BPNT2: variants seen among roughly 807,000 people sequenced by gnomAD.
BPNT2 encodes Golgi-resident adenosine 3',5'-bisphosphate 3'-phosphatase.
Under a neutral mutation model 29.3 loss-of-function variants are expected in BPNT2, and 11 were observed. That is an observed-to-expected ratio of 0.38 (90% CI 0.24 to 0.62). The LOEUF (loss-of-function observed/expected upper bound fraction) is 0.62, where lower values mean the gene tolerates loss of function less well. Among genes scored for constraint, BPNT2 ranks in the 20% least tolerant of loss-of-function variants. BPNT2 has a pLI of 0.62. For synonymous variants in BPNT2, 195 were observed against 187.7 expected, an observed-to-expected ratio of 1.04 and a Z score of -0.32; for missense variants, 459 against 473.4, an observed-to-expected ratio of 0.97 and a Z score of 0.28.
intron 3 of BPNT2, among the ~76,000 whole-genome samples, chr8:56,967,622 T>C (rs758392706): frequency 3.3e-5 from 5 of 152,012 alleles, no homozygotes; most frequent in Non-Finnish European, 7.4e-5. Context: ...GGCTTGAAAC[T>C]TGGCAACAAA....
intron 1 of BPNT2, among the ~76,000 whole-genome samples, chr8:56,987,229 G>A (rs760418578): frequency 6.6e-6 from 1 of 152,152 alleles, no homozygotes; most frequent in Non-Finnish European, 1.5e-5. Context: ...ACCTCACACA[G>A]TGCCTATCAT....
At chr8:56,977,385 A>G (rs975612220) in intron 3 of BPNT2, among the ~76,000 whole-genome samples, 1 of 152,194 alleles carries the variant, frequency 6.6e-6, no homozygotes, top group East Asian at 1.9e-4. Flanking sequence ...ACATCACTCC[A>G]ATCTCTGCCT....
rs1433321609 is a variant in BPNT2 at position 56,962,098 on chromosome 8, ATTTTCAAGTCC to A, written c.*1684_*1694del. ...TGAGGTCTCTGATACTCTTTTCAAAATTTTCAAGTCCTATTTAAATATCAAGTGTTCCACCT... is the reference window on the plus strand; with the variant it reads ...TGAGGTCTCTGATACTCTTTTCAAAATATTTAAATATCAAGTGTTCCACCT... On this transcript the variant is annotated 3_prime_UTR_variant, in exon 5 of 5. Coordinates refer to ENST00000262644, the MANE Select transcript of BPNT2 (RefSeq NM_017813.5). 1 of 152,146 alleles carries A rather than the reference ATTTTCAAGTCC, an allele frequency of 6.6e-6. No individual in the cohort carries two copies. The highest frequency in any genetic ancestry group is 1.5e-5 in the Non-Finnish European group (1 of 68,018). The allele number at this position is 152,146 out of a possible 1,614,324, so 9.4% of individuals were successfully genotyped here. A position where few individuals can be genotyped will look rare whatever the true frequency, so the allele number is the denominator to read the frequency against.
In BPNT2 at chr8:56,963,838, G is replaced by A; in HGVS notation, c.1035C>T (p.Ala345=). The A allele has an allele frequency of 6.2e-7, 1 of 1,614,042 alleles. No homozygotes were observed. Among genetic ancestry groups the A allele is most frequent in the Non-Finnish European group, 8.5e-7 (1 of 1,180,020 alleles). ...LLASIRMNHQ[A]LVRKLPDLEK... is the part of the protein sequence containing the mutation. ...CTAGATCTGGGAGTTTTCTGACCAG[G>A]GCCTGGTGGTTCATTCTGATGCTAG... The change falls in exon 5 of 5, where the codon GCC becomes GCT. Residue 345 remains alanine (A), a synonymous_variant. Coordinates refer to ENST00000262644, the MANE Select transcript of BPNT2 (RefSeq NM_017813.5).
In BPNT2 at chr8:56,966,271, C is replaced by T. The variant is rs148507660; in HGVS notation, c.728G>A (p.Arg243His). Residue 243 changes from arginine to histidine, a missense_variant, in exon 4 of 5, where the codon CGT (arginine) becomes CAT (histidine). By Grantham distance (29) the Arg-to-His change is conservative. Coordinates refer to ENST00000262644, the MANE Select transcript of BPNT2 (RefSeq NM_017813.5). The part of the protein sequence containing the change: ...NEKTPRIVVS[R>H]SHSGMVKQVA... ...CTGTTTGACCATCCCTGAATGGGAA[C>T]GAGACACAACGATCCTTGGGGTCTT... The T allele has an allele frequency of 1.1e-5, 17 of 1,613,930 alleles. No homozygotes were observed. In the East Asian group the frequency reaches 1.6e-4, roughly 15 times the overall value.
At chr8:56,992,930 C>G (rs1165566360) in intron 1 of BPNT2, among the ~76,000 whole-genome samples, 3 of 152,122 alleles carry the variant, frequency 2.0e-5, no homozygotes, top group Non-Finnish European at 4.4e-5. Flanking sequence ...ACTTTGTCAG[C>G]CTTTTCGTTT....
At chr8:56,991,510 T>C (rs1806415348) in intron 1 of BPNT2, among the ~76,000 whole-genome samples, 1 of 152,250 alleles carries the variant, frequency 6.6e-6, no homozygotes, top group African/African-American at 2.4e-5. Context: ...CTGCTTGCTG[T>C]ATTTCACTAT....
At chr8:56,984,098 C>T (rs1806289353) in intron 1 of BPNT2, among the ~76,000 whole-genome samples, 1 of 152,138 alleles carries the variant, frequency 6.6e-6, no homozygotes, top group Non-Finnish European at 1.5e-5. Flanking sequence ...ACCACTGTAG[C>T]TTACAAAACG....
chr8:56,979,833 C>T (rs923483629), intron 2 of BPNT2, among the ~76,000 whole-genome samples: 2 of 152,266 alleles, frequency 1.3e-5, no homozygotes, highest in South Asian at 2.1e-4. Context: ...AAATTCCTAA[C>T]ATCCCGAGTA....
chr8:56,986,133 T>C, intron 1 of BPNT2, among the ~76,000 whole-genome samples: 1 of 152,310 alleles, frequency 6.6e-6, no homozygotes, highest in East Asian at 1.9e-4. Context: ...TTTTCCCTTT[T>C]ATAAAAGTAA....
rs1805766938 is a variant in BPNT2 at position 56,958,072 on chromosome 8, A to G, written c.*5721T>C. The G allele has an allele frequency of 6.6e-6, 1 of 152,136 alleles. No homozygotes were observed. Among genetic ancestry groups the G allele is most frequent in the African/African-American group, 2.4e-5 (1 of 41,432 alleles). The allele number at this position is 152,136 out of a possible 1,614,324, so 9.4% of individuals were successfully genotyped here. ...ATTGCCTGGGGTAGTATCTGAAGGA[A>G]AGGCAAAACTTTTAAAAACAATTTA... is the stretch of plus-strand genomic sequence containing the variant. On this transcript the variant is annotated 3_prime_UTR_variant, in exon 5 of 5. Transcript: ENST00000262644.
chr8:56,992,629 AACT>A (rs1162382014), intron 1 of BPNT2, among the ~76,000 whole-genome samples: 1 of 152,052 alleles, frequency 6.6e-6, no homozygotes, highest in African/African-American at 2.4e-5. Context: ...AGGGCCCGCA[AACT>A]ATAAACTTTA....
chr8:56,976,882 T>C (rs1341932599), intron 3 of BPNT2, among the ~76,000 whole-genome samples: 1 of 152,046 alleles, frequency 6.6e-6, no homozygotes, highest in East Asian at 1.9e-4. Flanking sequence ...AGGTTGAGAA[T>C]CCCTAATCCA....
intron 1 of BPNT2, among the ~76,000 whole-genome samples, chr8:56,984,838 C>G (rs1187145656): frequency 1.3e-5 from 2 of 152,126 alleles, no homozygotes; most frequent in Non-Finnish European, 1.5e-5. Flanking sequence ...TCCAGATGAT[C>G]TGGGTAATGA....
intron 3 of BPNT2, chr8:56,967,073 T>A: frequency 2.3e-6 from 1 of 431,686 alleles, no homozygotes; most frequent in Non-Finnish European, 4.7e-6. Flanking sequence ...GAAGTTTTCT[T>A]CACTGACTAT....
At position 56,978,060 on chromosome 8, in the gene BPNT2, G is replaced by A. The variant is rs778717032; in HGVS notation, c.636C>T (p.Ser212=). ...PMLGVIHKPF[S]EYTAWAMVDG... ...TAGCAAATTTCATACCTGTATATTCGGAAAATGGCTTATGTATAACTCCTA... is the reference window on the plus strand; with the variant it reads ...TAGCAAATTTCATACCTGTATATTCAGAAAATGGCTTATGTATAACTCCTA... Residue 212 remains serine (S), a synonymous_variant, in exon 3 of 5, where the codon TCC becomes TCT. Coordinates refer to ENST00000262644, the MANE Select transcript of BPNT2 (RefSeq NM_017813.5). 1.8e-5 allele frequency: 29 copies of A among 1,590,242 alleles called. No homozygotes were observed. Among genetic ancestry groups the A allele is most frequent in the Non-Finnish European group, 2.2e-5 (25 of 1,158,968 alleles).
intron 4 of BPNT2, 23 bp downstream of exon 4, chr8:56,966,168 A>C (rs1805945483): frequency 6.2e-7 from 1 of 1,613,358 alleles, no homozygotes; most frequent in Non-Finnish European, 8.5e-7. Context: ...TTCTCCAGGG[A>C]CCACACAGGA....
In BPNT2 at chr8:56,960,402, A is replaced by C. The variant is rs1805812682; in HGVS notation, c.*3391T>G. 1 of 152,202 alleles carries C rather than the reference A, an allele frequency of 6.6e-6. No individual in the cohort carries two copies. Among genetic ancestry groups the C allele is most frequent in the Non-Finnish European group, 1.5e-5 (1 of 68,074 alleles). The allele number at this position is 152,202 out of a possible 1,614,324, so 9.4% of individuals were successfully genotyped here. A position where few individuals can be genotyped will look rare whatever the true frequency, so the allele number is the denominator to read the frequency against. ...CTTCTTTCTGACCCTCTTCCTAGCCACCACCCCTCTCCCTCTGACACAGTT... is the reference window on the plus strand; with the variant it reads ...CTTCTTTCTGACCCTCTTCCTAGCCCCCACCCCTCTCCCTCTGACACAGTT... On this transcript the variant is annotated 3_prime_UTR_variant, in exon 5 of 5. Transcript: ENST00000262644.
In BPNT2 at chr8:56,962,591, G is replaced by A. The variant is rs1805855680; in HGVS notation, c.*1202C>T. The A allele has an allele frequency of 6.6e-6, 1 of 152,012 alleles. No individual in the cohort carries two copies. The allele number at this position is 152,012 out of a possible 1,614,324, so 9.4% of individuals were successfully genotyped here. A position where few individuals can be genotyped will look rare whatever the true frequency, so the allele number is the denominator to read the frequency against. ...CTAGTTACGGTAACACAATGAATAT[G>A]TCACAACTTTTTTTTTCTAACCAGA... On this transcript the variant is annotated 3_prime_UTR_variant, in exon 5 of 5. Coordinates refer to ENST00000262644, the MANE Select transcript of BPNT2 (RefSeq NM_017813.5).
Sources: allele counts gnomAD v4.1 joint callset (sites outside exome capture counted in the v4.1 genomes callset), GRCh38; gene constraint gnomAD v4.1.1; transcripts MANE v1.5; gene names NCBI Gene and HGNC (gene_info 2026-07-23, HGNC 2026-07-21).